The following SEM1 variants were observed in gnomAD, a reference collection of about 807,000 sequenced individuals.
SEM1 encodes the protein 26S proteasome complex subunit SEM1.
SEM1 carries 3 observed loss-of-function variants against 12.7 expected under a neutral mutation model. That is an observed-to-expected ratio of 0.24 (90% CI 0.11 to 0.61). The LOEUF (loss-of-function observed/expected upper bound fraction) is 0.61, where lower values mean the gene tolerates loss of function less well. SEM1 is among the 20% of genes least tolerant of loss of function. The probability of loss-of-function intolerance (pLI) is 0.88; values close to 1 mark genes in which losing one functional copy is unlikely to be tolerated. For missense variants in SEM1, 59 were observed against 81.3 expected (o/e 0.73, Z 1.06); for synonymous variants, 30 against 27.8 (o/e 1.08, Z -0.25).
At chr7:96,704,688 T>C (rs1384388370) in intron 1 of SEM1, among the ~76,000 whole-genome samples, 2 of 152,332 alleles carry the variant, frequency 1.3e-5, no homozygotes, top group Non-Finnish European at 2.9e-5. Context: ...CTAATTCAAA[T>C]GTTTAATGGT....
intron 2 of SEM1, among the ~76,000 whole-genome samples, chr7:96,627,883 A>G (rs1220043185): frequency 6.6e-6 from 1 of 152,022 alleles, no homozygotes; most frequent in African/African-American, 2.4e-5. Context: ...TCTCTTAACT[A>G]TGATTGTATT....
At chr7:96,609,693 T>A (rs1807484920) in intron 2 of SEM1, among the ~76,000 whole-genome samples, 1 of 152,206 alleles carries the variant, frequency 6.6e-6, no homozygotes, top group Admixed American at 6.5e-5. Flanking sequence ...ACCTGAGGAT[T>A]GGAGGCAGGG....
At chr7:96,699,330 T>A (rs1790199881) in intron 1 of SEM1, among the ~76,000 whole-genome samples, 1 of 152,340 alleles carries the variant, frequency 6.6e-6, no homozygotes, top group East Asian at 1.9e-4. Flanking sequence ...AATCTGCTAA[T>A]TAACCTCCCT....
At chr7:96,637,293 C>T (rs888090574) in intron 2 of SEM1, 4 of 152,040 alleles carry the variant, frequency 2.6e-5, no homozygotes, top group Non-Finnish European at 4.4e-5. Context: ...GAGATTGACA[C>T]GTTTCCCATA....
chr7:96,550,025 C>T (rs1805219141), intron 2 of SEM1, among the ~76,000 whole-genome samples: 3 of 151,908 alleles, frequency 2.0e-5, no homozygotes, highest in African/African-American at 7.3e-5. Flanking sequence ...TTGTTGGAAG[C>T]TGGACTTTCT....
intron 2 of SEM1, among the ~76,000 whole-genome samples, chr7:96,631,518 A>C (rs1310993211): frequency 6.6e-6 from 1 of 152,148 alleles, no homozygotes; most frequent in Non-Finnish European, 1.5e-5. Flanking sequence ...TCGGTGATTC[A>C]AGACTGTTTT....
At chr7:96,625,488 A>C (rs2116307200) in intron 2 of SEM1, among the ~76,000 whole-genome samples, 1 of 152,312 alleles carries the variant, frequency 6.6e-6, no homozygotes, top group Non-Finnish European at 1.5e-5. Flanking sequence ...TGCTCTTTTG[A>C]AACAAATCTT....
chr7:96,549,012 G>A (rs979786472), intron 2 of SEM1, among the ~76,000 whole-genome samples: 1 of 152,174 alleles, frequency 6.6e-6, no homozygotes, highest in East Asian at 1.9e-4. Context: ...CACCTGGGCT[G>A]TCTAGGGAAG....
intron 2 of SEM1, among the ~76,000 whole-genome samples, chr7:96,683,352 T>A (rs1263307262): frequency 2.6e-5 from 4 of 151,958 alleles, no homozygotes; most frequent in African/African-American, 9.7e-5. Context: ...TCATGCCAGT[T>A]TGAATGATGA....
chr7:96,580,955 CAGA>C (rs1214323577), intron 2 of SEM1, among the ~76,000 whole-genome samples: 1 of 152,152 alleles, frequency 6.6e-6, no homozygotes, highest in African/African-American at 2.4e-5. Flanking sequence ...TTTTGCTGTG[CAGA>C]AGCTCTTTAG....
chr7:96,607,662 A>G (rs977723837), intron 2 of SEM1, among the ~76,000 whole-genome samples: 8 of 152,256 alleles, frequency 5.3e-5, no homozygotes, highest in Middle Eastern at 3.4e-3. Flanking sequence ...GCTGCCCACA[A>G]TTGGGCCCAC....
chr7:96,589,753 AT>A (rs1806769221), intron 2 of SEM1, among the ~76,000 whole-genome samples: 1 of 152,166 alleles, frequency 6.6e-6, no homozygotes, highest in African/African-American at 2.4e-5. Flanking sequence ...GTTTCCTAAT[AT>A]TTTTCCTATG....
upstream of SEM1, among the ~76,000 whole-genome samples, chr7:96,499,889 T>G (rs1803452892): frequency 6.6e-6 from 1 of 152,120 alleles, no homozygotes; most frequent in Non-Finnish European, 1.5e-5. Context: ...TCAAGTAGAA[T>G]AAAAATCAAA....
intron 3 of SEM1, among the ~76,000 whole-genome samples, chr7:96,503,842 C>T (rs1016869471): frequency 2.0e-5 from 3 of 152,188 alleles, no homozygotes; most frequent in African/African-American, 7.2e-5. Flanking sequence ...TTCACCATGA[C>T]CTTTTCTTCA....
chr7:96,518,182 GGATGCATGTATT>G lies in SEM1; in HGVS notation c.171-11496_171-11485del, dbSNP rs577780427. Among the ~76,000 whole-genome samples the G allele has an allele frequency of 1.1e-3, 166 of 152,218 alleles. 2 individuals carry two copies. The highest frequency in any genetic ancestry group is 3.9e-3 in the African/African-American group (162 of 41,546). On this transcript the variant is annotated intron_variant and NMD_transcript_variant, in intron 2 of 3. Coordinates refer to the SEM1 transcript ENST00000466986. ...CTCTAATGCCATTGGCAATGGCATT[GGATGCATGTATT>G]GAAGGTATAGTGTTGAGGGAAAGTC...
At chr7:96,654,217 G>T (rs1429038086) in intron 2 of SEM1, among the ~76,000 whole-genome samples, 1 of 152,160 alleles carries the variant, frequency 6.6e-6, no homozygotes. Flanking sequence ...GAAGACATAG[G>T]TCTCCACCTT....
chr7:96,658,392 G>A (rs147951180), intron 2 of SEM1, among the ~76,000 whole-genome samples: 172 of 152,242 alleles, frequency 1.1e-3, no homozygotes, highest in African/African-American at 4.0e-3. Context: ...CATGAAAAAA[G>A]GCTGAACATC....
chr7:96,680,582 G>A (rs1480626772), intron 2 of SEM1, among the ~76,000 whole-genome samples: 2 of 152,046 alleles, frequency 1.3e-5, no homozygotes, highest in Non-Finnish European at 2.9e-5. Flanking sequence ...CCTCATCAGT[G>A]AAAAGTGGCA....
chr7:96,685,318 T>C (rs1298439978), downstream of SEM1, among the ~76,000 whole-genome samples: 2 of 152,056 alleles, frequency 1.3e-5, no homozygotes, highest in Admixed American at 6.6e-5. Context: ...CAAACAGAAC[T>C]GAATTTTGGA....
Sources: allele counts gnomAD v4.1 joint callset (sites outside exome capture counted in the v4.1 genomes callset), GRCh38; gene constraint gnomAD v4.1.1; transcripts MANE v1.5; gene names NCBI Gene and HGNC (gene_info 2026-07-23, HGNC 2026-07-21).